PARP2: variants seen among roughly 807,000 people sequenced by gnomAD.
PARP2 encodes poly(ADP-ribose) polymerase 2, also known as poly [ADP-ribose] polymerase 2.
Under a neutral mutation model 77.8 loss-of-function variants are expected in PARP2, and 57 were observed. That is an observed-to-expected ratio of 0.73 (90% CI 0.59 to 0.91). The LOEUF (loss-of-function observed/expected upper bound fraction) is 0.91, where lower values mean the gene tolerates loss of function less well. Among genes scored for constraint, PARP2 ranks in the 40% least tolerant of loss-of-function variants. PARP2 has a pLI of 0.00. For missense variants in PARP2, 651 were observed against 689.0 expected (o/e 0.94, Z 0.62); for synonymous variants, 226 against 242.6 (o/e 0.93, Z 0.64).
intron 5 of PARP2, 97 bp downstream of exon 5, chr14:20,350,719 G>A (rs1262208861): frequency 2.6e-6 from 2 of 774,984 alleles, no homozygotes; most frequent in African/African-American, 1.7e-5. Context: ...AATTGGGTCA[G>A]TAGAGGCTCT....
chr14:20,345,541 G>A (rs1883686685), intron 3 of PARP2, 77 bp downstream of exon 3: 1 of 1,044,886 alleles, frequency 9.6e-7, no homozygotes, highest in Non-Finnish European at 1.5e-6. Context: ...TCCTGTCTGG[G>A]ATGCTGTTAG....
At chr14:20,350,993 G>A (rs1883933044) in intron 5 of PARP2, 54 bp from the exon 6 acceptor site, 1 of 1,342,966 alleles carries the variant, frequency 7.4e-7, no homozygotes, top group Non-Finnish European at 1.1e-6. Flanking sequence ...AGATCTTGGA[G>A]AGCTGGCCTG....
In PARP2 at chr14:20,350,574, G is replaced by A; in HGVS notation, c.373G>A (p.Glu125Lys). Reference protein sequence around the residue: ...NNKYYLIQLLEDDAQRNFSVW... With the variant: ...NNKYYLIQLLKDDAQRNFSVW... ...CAAGTACTATCTGATTCAGCTATTA[G>A]AAGATGATGCCCAGAGGAACTTCAG... The change falls in exon 5 of 16, where the codon GAA becomes AAA. Residue 125 changes from glutamate (E) to lysine (K), a missense_variant. By Grantham distance (56) the Glu-to-Lys change is moderately conservative. Transcript: ENST00000429687. 6.2e-7 allele frequency: 1 copy of A among 1,611,812 alleles called. No homozygotes were observed. Among genetic ancestry groups the A allele is most frequent in the East Asian group, 2.2e-5 (1 of 44,878 alleles).
intron 5 of PARP2, 176 bp downstream of exon 5, chr14:20,350,798 A>T: frequency 1.6e-6 from 1 of 610,502 alleles, no homozygotes. Context: ...CATCCTCCTT[A>T]GAGTTCCCAC....
intron 4 of PARP2, among the ~76,000 whole-genome samples, chr14:20,347,354 G>GTTTA (rs1883771350): frequency 4.6e-5 from 2 of 43,952 alleles, no homozygotes; most frequent in Non-Finnish European, 7.0e-5. Context: ...ATATGTGTGT[G>GTTTA]TGTATATATA....
intron 4 of PARP2, among the ~76,000 whole-genome samples, chr14:20,347,372 A>G (rs1566418291): frequency 0.011 from 235 of 22,270 alleles, 10 homozygotes; most frequent in African/African-American, 0.038. Context: ...ATATATATAT[A>G]TATATATATA....
intron 6 of PARP2, 134 bp downstream of exon 6, chr14:20,351,256 G>A (rs536762130): frequency 6.3e-5 from 34 of 538,460 alleles, no homozygotes; most frequent in East Asian, 6.0e-4. Context: ...TGAGCTCACT[G>A]CAACCTCCAC....
Position 20,357,627 on chromosome 14 carries a change from C to T in PARP2, c.1554-11C>T, listed in dbSNP as rs375797217. 8.7e-6 allele frequency: 14 copies of T among 1,604,634 alleles called. No homozygotes were observed. The African/African-American group carries it at 1.9e-4, about 22-fold the overall frequency. ...AGACTGATGTTGACACACTTTTTTTCCATTTGGCAGGAATGGGAGTACAGT... is the reference window on the plus strand; with the variant it reads ...AGACTGATGTTGACACACTTTTTTTTCATTTGGCAGGAATGGGAGTACAGT... On this transcript the variant is annotated splice_polypyrimidine_tract_variant and intron_variant, in intron 15 of 15. Coordinates refer to ENST00000429687, the MANE Select transcript of PARP2 (RefSeq NM_001042618.2).
Position 20,356,338 on chromosome 14 carries a change from C to G in PARP2, c.1133C>G (p.Ala378Gly). ...VISQYLQSTH[A>G]PTHSDYTMTL... ...TCCCAGTACCTACAATCTACCCATG[C>G]TCCCACACACAGCGACTATACCATG... The change falls in exon 12 of 16, where the codon GCT becomes GGT. Residue 378 changes from alanine to glycine, a missense_variant. Ala to Gly is a moderately conservative substitution (Grantham distance 60). Transcript: ENST00000429687. 6.2e-7 allele frequency: 1 copy of G among 1,614,036 alleles called. No homozygotes were observed. Among genetic ancestry groups the G allele is most frequent in the Non-Finnish European group, 8.5e-7 (1 of 1,179,882 alleles).
At position 20,350,508 on chromosome 14, in the gene PARP2, T is replaced by C; in HGVS notation, c.325-18T>C. ...TTGCAAAACTCCTTTTTTTTGTTTT[T>C]GTTTTCACTCAACATAGACCAATCT... On this transcript the variant is annotated intron_variant, in intron 4 of 15. Coordinates refer to ENST00000429687, the MANE Select transcript of PARP2 (RefSeq NM_001042618.2). 7.0e-7 allele frequency: 1 copy of C among 1,434,490 alleles called. No homozygotes were observed. The highest frequency in any genetic ancestry group is 9.7e-7 in the Non-Finnish European group (1 of 1,030,448). 88.9% of individuals were successfully genotyped at this position (1,434,490 alleles called of 1,614,324 possible). A position where few individuals can be genotyped will look rare whatever the true frequency, so the allele number is the denominator to read the frequency against.
chr14:20,354,022 G>A, intron 7 of PARP2, 63 bp from the exon 8 acceptor site: 2 of 1,285,478 alleles, frequency 1.6e-6, no homozygotes, highest in Non-Finnish European at 1.1e-6. Context: ...AATATTGGGT[G>A]TTATAAGGAA....
At chr14:20,349,746 A>G (rs917558616) in intron 4 of PARP2, among the ~76,000 whole-genome samples, 5 of 151,852 alleles carry the variant, frequency 3.3e-5, no homozygotes, top group Non-Finnish European at 7.4e-5. Context: ...CAGTGGGCTA[A>G]GGTCGTACAA....
At chr14:20,352,545 G>C in intron 7 of PARP2, 198 bp downstream of exon 7, 1 of 269,056 alleles carries the variant, frequency 3.7e-6, no homozygotes, top group Non-Finnish European at 6.1e-6. Context: ...ACTCTGCCCA[G>C]CTGATTTTTT....
Position 20,355,767 on chromosome 14 carries a change from A to G in PARP2, c.918A>G (p.Pro306=). The G allele has an allele frequency of 2.5e-6, 4 of 1,613,630 alleles. No homozygotes were observed. Among genetic ancestry groups the G allele is most frequent in the Non-Finnish European group, 2.5e-6 (3 of 1,179,530 alleles). ...CTGTTCTTAGACTCCGTACTCCTCC[A>G]CTAATCCGGACACAGAAGGAACTGT... ...IPHDFGLRTP[P]LIRTQKELSE... The change falls in exon 10 of 16, where the codon CCA becomes CCG. Residue 306 remains proline, a synonymous_variant. Transcript: ENST00000429687.
At chr14:20,345,334 G>GT in intron 2 of PARP2, 60 bp from the exon 3 acceptor site, 1 of 1,457,252 alleles carries the variant, frequency 6.9e-7, no homozygotes, top group Non-Finnish European at 9.6e-7. Context: ...ACAAGTTTCT[G>GT]TTTTACCACA....
chr14:20,355,893 T>G lies in PARP2; in HGVS notation c.967-4T>G. 1 of 1,614,160 alleles carries G rather than the reference T, an allele frequency of 6.2e-7. No homozygotes were observed. The highest frequency in any genetic ancestry group is 1.3e-5 in the African/African-American group (1 of 75,056). Reference sequence around the variant, plus strand: ...CACATTGATTCTATATCTCATCTTCTCAGGCTTTGGGAGACATTGAAATTG... The same window carrying G: ...CACATTGATTCTATATCTCATCTTCGCAGGCTTTGGGAGACATTGAAATTG... On this transcript the variant is annotated splice_region_variant and splice_polypyrimidine_tract_variant and intron_variant, in intron 10 of 15. Coordinates refer to ENST00000429687, the MANE Select transcript of PARP2 (RefSeq NM_001042618.2).
intron 5 of PARP2, 185 bp from the exon 6 acceptor site, chr14:20,350,848 TCTATAGTTGAACTG>T: frequency 1.6e-6 from 1 of 609,724 alleles, no homozygotes. Flanking sequence ...TGAAAACTCT[TCTATAGTTGAACTG>T]CTAGTAGTGC....
chr14:20,352,279 C>G lies in PARP2; in HGVS notation c.532C>G (p.Arg178Gly), dbSNP rs371808951. Reference protein sequence around the residue: ...LDKTKNNWEDREKFEKVPGKY... With the variant: ...LDKTKNNWEDGEKFEKVPGKY... ...CAAAACGAAAAACAATTGGGAAGAT[C>G]GAGAAAAGTTTGAGAAGGTGCCTGG... is the stretch of plus-strand genomic sequence containing the variant. Residue 178 changes from arginine to glycine, a missense_variant, in exon 7 of 16, where the codon CGA becomes GGA. Physicochemically the swap from Arg to Gly is moderately radical, Grantham distance 125 (BLOSUM62 -2). Coordinates refer to ENST00000429687, the MANE Select transcript of PARP2 (RefSeq NM_001042618.2). The G allele has an allele frequency of 1.2e-6, 2 of 1,613,028 alleles. No individual in the cohort carries two copies. Among genetic ancestry groups the G allele is most frequent in the Non-Finnish European group, 1.7e-6 (2 of 1,179,038 alleles).
At chr14:20,344,177 T>C (rs1193741337) in intron 1 of PARP2, 1 of 155,786 alleles carries the variant, frequency 6.4e-6, no homozygotes, top group Non-Finnish European at 1.4e-5. Flanking sequence ...TACAGTATTG[T>C]ACAATATTCT....
Sources: allele counts gnomAD v4.1 joint callset (sites outside exome capture counted in the v4.1 genomes callset), GRCh38; gene constraint gnomAD v4.1.1; transcripts MANE v1.5; gene names NCBI Gene and HGNC (gene_info 2026-07-23, HGNC 2026-07-21).